The following SUGCT variants were observed in gnomAD, a reference collection of about 807,000 sequenced individuals.
SUGCT encodes succinyl-CoA:glutarate-CoA transferase.
Under a neutral mutation model 55.0 loss-of-function variants are expected in SUGCT, and 41 were observed. That is an observed-to-expected ratio of 0.74 (90% CI 0.58 to 0.97). SUGCT has a LOEUF of 0.97. Among genes scored for constraint, SUGCT ranks in the 50% least tolerant of loss-of-function variants. The pLI is 0.00. For missense variants in SUGCT, 568 were observed against 547.8 expected (o/e 1.04, Z -0.37); for synonymous variants, 187 against 200.4 (o/e 0.93, Z 0.56).
intron 12 of SUGCT, among the ~76,000 whole-genome samples, chr7:40,714,202 C>T (rs755416808): frequency 2.4e-4 from 37 of 151,818 alleles, no homozygotes; most frequent in Admixed American, 1.4e-3. Flanking sequence ...TGTTGGTGAG[C>T]GCCTGTAATC....
intron 12 of SUGCT, among the ~76,000 whole-genome samples, chr7:40,639,013 T>C (rs537269535): frequency 3.5e-4 from 54 of 152,304 alleles, no homozygotes; most frequent in South Asian, 1.0e-3. Context: ...AATCTCACGC[T>C]ATTGAGATTG....
At chr7:40,274,481 T>G (rs754406117) in intron 7 of SUGCT, 32 bp from the exon 8 acceptor site, 16 of 1,594,548 alleles carry the variant, frequency 1.0e-5, no homozygotes, top group Non-Finnish European at 1.4e-5. Flanking sequence ...TGTTTAATTA[T>G]TTCTTCTTTC....
chr7:40,807,678 A>T (rs555286517), intron 13 of SUGCT, among the ~76,000 whole-genome samples: 2 of 152,306 alleles, frequency 1.3e-5, no homozygotes, highest in South Asian at 2.1e-4. Context: ...CCCATGGTGT[A>T]TTAGTTAGGG....
rs146434437 is a variant in SUGCT at position 40,353,991 on chromosome 7, C to T, written c.816+37136C>T. Among the ~76,000 whole-genome samples the T allele has an allele frequency of 2.9e-3, 442 of 152,188 alleles. 1 individual carries two copies. Among genetic ancestry groups the T allele is most frequent in the African/African-American group, 9.6e-3 (400 of 41,534 alleles). On this transcript the variant is annotated intron_variant, in intron 9 of 13. Transcript: ENST00000335693. ...ACATTGAGAAAAACAGACAAGAGACCGGGAAGTAGCCTTTTTAATAGATAG... is the reference window on the plus strand; with the variant it reads ...ACATTGAGAAAAACAGACAAGAGACTGGGAAGTAGCCTTTTTAATAGATAG...
At position 40,222,989 on chromosome 7, in the gene SUGCT, C is replaced by CCTTTCTTT. The variant is rs755049785; in HGVS notation, c.485-14643_485-14642insTCTTTCTT. On this transcript the variant is annotated intron_variant, in intron 6 of 13. Transcript: ENST00000335693. ...ATTTTATTTTATTTTTCATTTCTTT[C>CCTTTCTTT]CTTCCTTCCTTCCTTCCTTCCTTCC... 1.6e-3 allele frequency among the ~76,000 whole-genome samples: 63 copies of CCTTTCTTT among 40,022 alleles called. 1 individual carries two copies. The highest frequency in any genetic ancestry group is 6.7e-3 in the African/African-American group (61 of 9,126). The allele number at this position is 40,022 out of a possible 152,430, so 26.3% of individuals were successfully genotyped here. A position where few individuals can be genotyped will look rare whatever the true frequency, so the allele number is the denominator to read the frequency against.
chr7:40,190,525 A>C (rs545528187), intron 5 of SUGCT, among the ~76,000 whole-genome samples: 5 of 152,284 alleles, frequency 3.3e-5, no homozygotes, highest in Admixed American at 6.5e-5. Context: ...TGGGATTTAC[A>C]GGTGTGAGCC....
chr7:40,253,942 C>G (rs1168139389), intron 7 of SUGCT, among the ~76,000 whole-genome samples: 1 of 152,250 alleles, frequency 6.6e-6, no homozygotes, highest in East Asian at 1.9e-4. Flanking sequence ...ACTGAATTGA[C>G]TGCTCAGTTT....
chr7:40,511,554 A>G (rs1413767583), intron 12 of SUGCT, among the ~76,000 whole-genome samples: 1 of 152,194 alleles, frequency 6.6e-6, no homozygotes, highest in Non-Finnish European at 1.5e-5. Flanking sequence ...TTTTACCATG[A>G]TTAGGTAAGA....
intron 8 of SUGCT, among the ~76,000 whole-genome samples, chr7:40,298,773 G>A (rs888445238): frequency 1.9e-4 from 28 of 151,202 alleles, no homozygotes; most frequent in Non-Finnish European, 1.3e-4. Context: ...CAAGAGTTCC[G>A]TCAAATATCT....
the SUGCT span, among the ~76,000 whole-genome samples, chr7:40,956,588 T>G: frequency 7.2e-5 from 11 of 152,136 alleles, no homozygotes; most frequent in Non-Finnish European, 1.2e-4. Flanking sequence ...ATTCATTTAT[T>G]TCTTTTGAAG....
At chr7:40,834,594 G>T (rs976735970) in intron 13 of SUGCT, among the ~76,000 whole-genome samples, 2 of 152,100 alleles carry the variant, frequency 1.3e-5, no homozygotes, top group Admixed American at 1.3e-4. Flanking sequence ...CTAGACTAAG[G>T]AAAAAGATAA....
chr7:40,497,996 A>G (rs1014740393), intron 12 of SUGCT, among the ~76,000 whole-genome samples: 9 of 152,180 alleles, frequency 5.9e-5, no homozygotes, highest in Non-Finnish European at 1.2e-4. Flanking sequence ...TAGGATAATT[A>G]GGATTTTTAT....
intron 13 of SUGCT, among the ~76,000 whole-genome samples, chr7:40,807,009 A>G (rs2128754091): frequency 6.6e-6 from 1 of 152,296 alleles, no homozygotes; most frequent in East Asian, 1.9e-4. Flanking sequence ...CTAAAGTTGT[A>G]CGATTGAGTG....
intron 12 of SUGCT, among the ~76,000 whole-genome samples, chr7:40,666,110 C>T (rs904744448): frequency 1.1e-4 from 17 of 151,950 alleles, no homozygotes; most frequent in African/African-American, 3.9e-4. Flanking sequence ...CCTGTAATCC[C>T]AGCACTTTGG....
At chr7:40,658,482 C>T (rs78780227) in intron 12 of SUGCT, among the ~76,000 whole-genome samples, 2 of 152,268 alleles carry the variant, frequency 1.3e-5, no homozygotes, top group Admixed American at 6.5e-5. Flanking sequence ...GCTCTGATTT[C>T]CCTTCTCCTC....
intron 9 of SUGCT, among the ~76,000 whole-genome samples, chr7:40,333,680 T>A (rs1584705847): frequency 1.8e-5 from 2 of 110,684 alleles, no homozygotes; most frequent in African/African-American, 7.8e-5. Context: ...TATATATATA[T>A]ATATATATAT....
the SUGCT span, among the ~76,000 whole-genome samples, chr7:40,977,584 G>C: frequency 6.6e-6 from 1 of 152,158 alleles, no homozygotes; most frequent in East Asian, 1.9e-4. Context: ...GGGGCTTCTA[G>C]GGGAAGGGGT....
chr7:40,193,631 C>G (rs1302996642), intron 5 of SUGCT, among the ~76,000 whole-genome samples: 1 of 149,712 alleles, frequency 6.7e-6, no homozygotes, highest in Non-Finnish European at 1.5e-5. Context: ...CAGGTTCTCA[C>G]TCTGTCACCC....
intron 12 of SUGCT, among the ~76,000 whole-genome samples, chr7:40,728,835 A>G (rs1055205770): frequency 1.1e-4 from 17 of 152,356 alleles, no homozygotes; most frequent in African/African-American, 3.6e-4. Flanking sequence ...AGAAGACTTT[A>G]TATAACAAAA....
Sources: gnomAD v4.1 joint callset for allele counts (sites outside exome capture counted in the v4.1 genomes callset) on GRCh38, gnomAD v4.1.1 for gene constraint, MANE v1.5 for transcripts, NCBI Gene and HGNC (gene_info 2026-07-23, HGNC 2026-07-21) for gene names.